The following ADK variants were observed in gnomAD, a reference collection of about 807,000 sequenced individuals.
ADK encodes the protein adenosine kinase.
In ADK, 24 loss-of-function variants were observed where a neutral mutation model predicts 44.7. The ratio of observed to expected loss-of-function variants is 0.54; its 90% confidence interval spans 0.39 to 0.76. ADK has a LOEUF of 0.76. Ranked by LOEUF, ADK falls within the 30% of genes least tolerant of loss-of-function variation. ADK has a pLI of 0.00. For missense variants in ADK, 321 were observed against 425.1 expected (o/e 0.76, Z 2.15); for synonymous variants, 128 against 142.6 (o/e 0.90, Z 0.73).
intron 6 of ADK, among the ~76,000 whole-genome samples, chr10:74,419,322 T>C (rs912518058): frequency 1.0e-4 from 15 of 150,184 alleles, no homozygotes; most frequent in Middle Eastern, 3.4e-3. Flanking sequence ...TTGAAGTATT[T>C]CCCCCCCCCA....
chr10:74,328,327 A>G (rs1841089217), intron 4 of ADK, among the ~76,000 whole-genome samples: 1 of 152,216 alleles, frequency 6.6e-6, no homozygotes, highest in Non-Finnish European at 1.5e-5. Context: ...TATTAAAGAT[A>G]TAAGAGGTTT....
In ADK at chr10:74,394,270, C is replaced by G; in HGVS notation, c.403C>G (p.Gln135Glu). ...TGCTCATTACTACGAGCAGAATGAG[C>G]AGCCAACAGGAACTTGTGCTGCATG... ...VDAHYYEQNE[Q>E]PTGTCAACIT... The change falls in exon 5 of 11, where the codon CAG becomes GAG. Residue 135 changes from glutamine to glutamate, a missense_variant. Gln to Glu is a conservative substitution (Grantham distance 29). Coordinates refer to ENST00000539909, the MANE Select transcript of ADK (RefSeq NM_006721.4). 6.2e-7 allele frequency: 1 copy of G among 1,613,992 alleles called. No individual in the cohort carries two copies.
chr10:74,535,407 G>A (rs1005948129), intron 7 of ADK, among the ~76,000 whole-genome samples: 2 of 152,082 alleles, frequency 1.3e-5, no homozygotes, highest in Admixed American at 6.5e-5. Flanking sequence ...AGGCTGCAGT[G>A]AGCTACGATC....
intron 6 of ADK, among the ~76,000 whole-genome samples, chr10:74,512,373 A>G (rs1045602828): frequency 7.0e-6 from 1 of 143,018 alleles, no homozygotes; most frequent in African/African-American, 2.5e-5. Context: ...ATTGGTTTTA[A>G]TTCAACAGTG....
intron 9 of ADK, among the ~76,000 whole-genome samples, chr10:74,653,053 A>G (rs1476961805): frequency 6.6e-6 from 1 of 152,186 alleles, no homozygotes; most frequent in Admixed American, 6.5e-5. Context: ...TTAGTTCTTT[A>G]GATTATTCAA....
At chr10:74,190,174 G>A (rs1591828123) in intron 1 of ADK, among the ~76,000 whole-genome samples, 1 of 152,176 alleles carries the variant, frequency 6.6e-6, no homozygotes, top group South Asian at 2.1e-4. Flanking sequence ...TTCCAAAGCG[G>A]CTGAATCACT....
intron 1 of ADK, among the ~76,000 whole-genome samples, chr10:74,169,294 A>G (rs1842105889): frequency 6.6e-6 from 1 of 152,204 alleles, no homozygotes; most frequent in African/African-American, 2.4e-5. Flanking sequence ...TATTTCTGTG[A>G]TGTACTTTCT....
chr10:74,414,218 A>C (rs182592106), intron 6 of ADK, among the ~76,000 whole-genome samples: 8 of 152,340 alleles, frequency 5.3e-5, no homozygotes, highest in African/African-American at 1.9e-4. Context: ...TGTAAAAAAA[A>C]ATAATAAAAA....
intron 7 of ADK, among the ~76,000 whole-genome samples, chr10:74,573,991 C>T (rs1277879833): frequency 6.6e-6 from 1 of 152,296 alleles, no homozygotes; most frequent in African/African-American, 2.4e-5. Context: ...TGCTTTGGCT[C>T]ACGCACAGTG....
chr10:74,677,089 A>T (rs1855418371), intron 10 of ADK, among the ~76,000 whole-genome samples: 1 of 152,056 alleles, frequency 6.6e-6, no homozygotes, highest in African/African-American at 2.4e-5. Context: ...TACCAAAAAT[A>T]AAAAAATTAG....
chr10:74,368,086 G>A (rs1190655631), intron 4 of ADK, among the ~76,000 whole-genome samples: 1 of 152,182 alleles, frequency 6.6e-6, no homozygotes, highest in African/African-American at 2.4e-5. Context: ...CCAAGATGAT[G>A]TTTGGAGAGG....
intron 3 of ADK, among the ~76,000 whole-genome samples, chr10:74,277,682 A>G (rs1013965109): frequency 6.6e-6 from 1 of 152,138 alleles, no homozygotes; most frequent in Non-Finnish European, 1.5e-5. Context: ...TACAGGTGTG[A>G]GCCACCGCGC....
At chr10:74,274,426 G>A (rs1043533788) in intron 3 of ADK, among the ~76,000 whole-genome samples, 20 of 151,914 alleles carry the variant, frequency 1.3e-4, no homozygotes, top group South Asian at 4.2e-4. Flanking sequence ...GCTCGTGGTG[G>A]TGGCAGGCGC....
At chr10:74,248,506 G>A (rs570855120) in intron 3 of ADK, among the ~76,000 whole-genome samples, 214 of 152,064 alleles carry the variant, frequency 1.4e-3, no homozygotes, top group Non-Finnish European at 2.6e-3. Flanking sequence ...TTACAGGCAC[G>A]TGCCACCACA....
chr10:74,343,163 GT>G (rs565468578), intron 4 of ADK, among the ~76,000 whole-genome samples: 1 of 150,246 alleles, frequency 6.7e-6, no homozygotes, highest in Admixed American at 6.6e-5. Flanking sequence ...TTCTATTTCT[GT>G]TTTTTTTTAG....
Position 74,290,078 on chromosome 10 carries a change from GCACA to G in ADK, c.195-24569_195-24566del, listed in dbSNP as rs1554838780. ...ACTCAAGTCACTAAACTACTCACGC[GCACA>G]CACACACACACACACACACTCACAC... On this transcript the variant is annotated intron_variant, in intron 3 of 10. Coordinates refer to ENST00000539909, the MANE Select transcript of ADK (RefSeq NM_006721.4). Among the ~76,000 whole-genome samples the G allele has an allele frequency of 4.5e-3, 677 of 149,118 alleles. 1 individual carries two copies. The highest frequency in any genetic ancestry group is 7.0e-3 in the Non-Finnish European group (470 of 67,310).
At chr10:74,352,474 G>T (rs1371318500) in intron 4 of ADK, among the ~76,000 whole-genome samples, 1 of 152,152 alleles carries the variant, frequency 6.6e-6, no homozygotes, top group Non-Finnish European at 1.5e-5. Flanking sequence ...AAAAACCCTA[G>T]AAGAAAACCT....
intron 8 of ADK, 23 bp downstream of exon 8, chr10:74,589,340 A>G (rs199947796): frequency 2.5e-6 from 4 of 1,612,742 alleles, no homozygotes; most frequent in Middle Eastern, 3.3e-4. Flanking sequence ...ACAATTGCAC[A>G]CTAAACAGAT....
intron 6 of ADK, among the ~76,000 whole-genome samples, chr10:74,475,578 T>C (rs778448647): frequency 2.0e-5 from 3 of 151,650 alleles, no homozygotes; most frequent in Admixed American, 2.0e-4. Flanking sequence ...CATAGTGACA[T>C]GTGCCTGAGA....
Sources: allele counts gnomAD v4.1 joint callset (sites outside exome capture counted in the v4.1 genomes callset), GRCh38; gene constraint gnomAD v4.1.1; transcripts MANE v1.5; gene names NCBI Gene and HGNC (gene_info 2026-07-23, HGNC 2026-07-21).